The following RHBDD1 variants were observed in gnomAD, a reference collection of about 807,000 sequenced individuals.
RHBDD1 encodes rhomboid-related protein 4.
A neutral mutation model predicts 36.3 loss-of-function variants in RHBDD1; 38 were observed. The observed-to-expected ratio is 1.05, with a 90% confidence interval of 0.81 to 1.37. RHBDD1 has a LOEUF of 1.37. Among genes scored for constraint, RHBDD1 ranks in the 40% most tolerant of loss-of-function variants. The probability of loss-of-function intolerance (pLI) is 0.00; values close to 1 mark genes in which losing one functional copy is unlikely to be tolerated. For missense variants in RHBDD1, 393 were observed against 377.6 expected (o/e 1.04, Z -0.34); for synonymous variants, 151 against 136.5 (o/e 1.11, Z -0.74).
At chr2:226,881,994 T>G (rs532057441) in intron 5 of RHBDD1, among the ~76,000 whole-genome samples, 44 of 152,360 alleles carry the variant, frequency 2.9e-4, no homozygotes, top group Non-Finnish European at 1.2e-4. Flanking sequence ...GTAATAGACC[T>G]TAACTACACA....
chr2:226,860,532 G>A (rs142875259), intron 3 of RHBDD1, among the ~76,000 whole-genome samples: 93 of 152,202 alleles, frequency 6.1e-4, no homozygotes, highest in African/African-American at 2.1e-3. Flanking sequence ...TCCTAGAGCC[G>A]TGCCTCCCTG....
At chr2:226,850,588 G>T (rs1041294080) in intron 3 of RHBDD1, among the ~76,000 whole-genome samples, 4 of 152,084 alleles carry the variant, frequency 2.6e-5, no homozygotes, top group African/African-American at 9.7e-5. Flanking sequence ...TGCCATCCTG[G>T]TCTCAAATGT....
In RHBDD1 at chr2:226,906,806, G is replaced by C. The variant is rs1192867872; in HGVS notation, c.580G>C (p.Gly194Arg). The change falls in exon 6 of 9, where the codon GGG becomes CGG. Residue 194 changes from glycine to arginine, a missense_variant. Gly to Arg is a moderately radical substitution (Grantham distance 125). Transcript: ENST00000392062. ...CTTCCCTCCTAGGACTTCCTTCGCT[G>C]GGCATCTGGCTGGGATTCTTGTTGG... Reference protein sequence around the residue: ...HLFSPGTSFAGHLAGILVGLM... With the variant: ...HLFSPGTSFARHLAGILVGLM... The C allele has an allele frequency of 1.2e-6, 2 of 1,613,970 alleles. No homozygotes were observed. The highest frequency in any genetic ancestry group is 1.7e-6 in the Non-Finnish European group (2 of 1,179,984).
the RHBDD1 span, among the ~76,000 whole-genome samples, chr2:226,820,881 A>T: frequency 2.6e-5 from 4 of 152,124 alleles, no homozygotes; most frequent in African/African-American, 7.2e-5. Context: ...GGTTGCCAGA[A>T]AGTTAGCTGG....
At chr2:226,894,486 G>T (rs1251895601) in intron 5 of RHBDD1, among the ~76,000 whole-genome samples, 1 of 152,138 alleles carries the variant, frequency 6.6e-6, no homozygotes, top group Non-Finnish European at 1.5e-5. Flanking sequence ...GGCCAGGCTG[G>T]TCTCGATCTC....
At chr2:226,862,314 T>C (rs1442425686) in intron 3 of RHBDD1, among the ~76,000 whole-genome samples, 2 of 152,028 alleles carry the variant, frequency 1.3e-5, no homozygotes, top group Non-Finnish European at 2.9e-5. Context: ...TTAAATGATT[T>C]GCCCCAGGTC....
intron 8 of RHBDD1, among the ~76,000 whole-genome samples, chr2:226,968,756 G>A (rs1173947224): frequency 1.3e-5 from 2 of 152,160 alleles, no homozygotes; most frequent in Non-Finnish European, 2.9e-5. Flanking sequence ...ATTAGCCAAA[G>A]GAAACAATAA....
rs117178699 is a variant in RHBDD1 at position 226,986,144 on chromosome 2, G to A, written c.857-9287G>A. Among the ~76,000 whole-genome samples, 46 of 152,278 alleles carry A rather than the reference G, an allele frequency of 3.0e-4. No individual in the cohort carries two copies. In the East Asian group the frequency reaches 3.1e-3, roughly 10 times the overall value. ...AACCAGACCGAATGAAATTCTTCAC[G>A]ATATCTGTCTGCTACCACTCAAGAC... is the stretch of plus-strand genomic sequence containing the variant. On this transcript the variant is annotated intron_variant, in intron 8 of 8. Coordinates refer to ENST00000392062, the MANE Select transcript of RHBDD1 (RefSeq NM_001167608.3).
chr2:226,879,759 G>C (rs1431007770), intron 5 of RHBDD1, among the ~76,000 whole-genome samples: 1 of 152,128 alleles, frequency 6.6e-6, no homozygotes. Flanking sequence ...AAATAAGCAA[G>C]TGACATATAA....
intron 5 of RHBDD1, among the ~76,000 whole-genome samples, chr2:226,872,759 T>C (rs764111195): frequency 6.6e-6 from 1 of 152,240 alleles, no homozygotes; most frequent in Non-Finnish European, 1.5e-5. Context: ...CAGTCCTCTT[T>C]ATTCATTGCC....
At chr2:226,979,228 CATT>C (rs1184554601) in intron 8 of RHBDD1, among the ~76,000 whole-genome samples, 18 of 152,266 alleles carry the variant, frequency 1.2e-4, no homozygotes, top group African/African-American at 3.4e-4. Flanking sequence ...ACTGCAGTCT[CATT>C]GTTGTAGGAC....
At chr2:226,838,394 C>T (rs1239167962) in intron 2 of RHBDD1, among the ~76,000 whole-genome samples, 1 of 152,164 alleles carries the variant, frequency 6.6e-6, no homozygotes, top group African/African-American at 2.4e-5. Flanking sequence ...AGAGGCAGAT[C>T]GCTATCTGTG....
chr2:226,951,018 G>A (rs1184371201), intron 8 of RHBDD1, among the ~76,000 whole-genome samples: 2 of 151,872 alleles, frequency 1.3e-5, no homozygotes, highest in African/African-American at 4.8e-5. Context: ...ATGCTTTCAG[G>A]GTCATATCTA....
rs964046445 is a variant in RHBDD1 at position 226,869,333 on chromosome 2, C to T, written c.566+2015C>T. ...TCTAATATACAAGCATCTACTTACA[C>T]ATGTATCCAAATAAAGACTACGCTA... On this transcript the variant is annotated intron_variant, in intron 5 of 8. Coordinates refer to ENST00000392062, the MANE Select transcript of RHBDD1 (RefSeq NM_001167608.3). The T allele has an allele frequency of 1.5e-5, 4 of 260,230 alleles. No individual in the cohort carries two copies. The East Asian group carries it at 7.1e-4, about 46-fold the overall frequency. 16.1% of individuals were successfully genotyped at this position (260,230 alleles called of 1,614,324 possible).
the RHBDD1 span, among the ~76,000 whole-genome samples, chr2:226,824,088 T>C: frequency 6.6e-6 from 1 of 152,114 alleles, no homozygotes; most frequent in Non-Finnish European, 1.5e-5. Context: ...TACATACACG[T>C]TTTTTCTCTC....
chr2:226,812,634 TCTC>T, the RHBDD1 span, among the ~76,000 whole-genome samples: 2 of 149,430 alleles, frequency 1.3e-5, no homozygotes, highest in East Asian at 4.0e-4. Flanking sequence ...TCATAGATGT[TCTC>T]TCTCTCTCTC....
intron 3 of RHBDD1, among the ~76,000 whole-genome samples, chr2:226,859,026 A>G (rs1943588856): frequency 6.6e-6 from 1 of 152,250 alleles, no homozygotes; most frequent in South Asian, 2.1e-4. Context: ...GTGGAATAAT[A>G]TGTATAGTGC....
chr2:226,970,745 A>C (rs1953311447), intron 8 of RHBDD1, among the ~76,000 whole-genome samples: 1 of 152,164 alleles, frequency 6.6e-6, no homozygotes, highest in African/African-American at 2.4e-5. Context: ...CTTGAGGACC[A>C]TTGTTTTTGT....
chr2:226,982,909 G>A (rs138170587), intron 8 of RHBDD1, among the ~76,000 whole-genome samples: 28 of 152,244 alleles, frequency 1.8e-4, no homozygotes, highest in African/African-American at 5.8e-4. Context: ...TTTAACTAAC[G>A]ATTGTATTTG....
Sources: gnomAD v4.1 joint callset for allele counts (sites outside exome capture counted in the v4.1 genomes callset) on GRCh38, gnomAD v4.1.1 for gene constraint, MANE v1.5 for transcripts, NCBI Gene and HGNC (gene_info 2026-07-23, HGNC 2026-07-21) for gene names.